Variants in DLGAP3 observed in about 807,000 individuals in gnomAD.
DLGAP3 encodes disks large-associated protein 3.
DLGAP3 carries 17 observed loss-of-function variants against 81.2 expected under a neutral mutation model. That is an observed-to-expected ratio of 0.21 (90% CI 0.14 to 0.31). DLGAP3 has a LOEUF of 0.31. DLGAP3 is among the 10% of genes least tolerant of loss of function. The pLI, the probability that DLGAP3 is intolerant of heterozygous loss-of-function variation, is 1.00. For missense variants in DLGAP3, 1,124 were observed against 1,388.0 expected (o/e 0.81, Z 3.02); for synonymous variants, 577 against 587.4 (o/e 0.98, Z 0.26).
intron 8 of DLGAP3, among the ~76,000 whole-genome samples, chr1:34,881,669 A>G (rs1468536748): frequency 3.9e-5 from 6 of 151,908 alleles, no homozygotes; most frequent in Admixed American, 6.5e-5. Flanking sequence ...ACTCACAGCC[A>G]AATTTAATCC....
chr1:34,913,312 C>T (rs533794299), intron 1 of DLGAP3, among the ~76,000 whole-genome samples: 1 of 152,318 alleles, frequency 6.6e-6, no homozygotes, highest in East Asian at 1.9e-4. Context: ...CATCTCCTGA[C>T]CCACTGGACG....
intron 8 of DLGAP3, among the ~76,000 whole-genome samples, chr1:34,883,586 A>G (rs1381267329): frequency 6.6e-6 from 1 of 152,196 alleles, no homozygotes; most frequent in Non-Finnish European, 1.5e-5. Flanking sequence ...AGATTTGCAA[A>G]TTGGGTTTGC....
At chr1:34,888,910 C>T (rs189940788) in intron 5 of DLGAP3, among the ~76,000 whole-genome samples, 1 of 152,298 alleles carries the variant, frequency 6.6e-6, no homozygotes, top group Admixed American at 6.5e-5. Flanking sequence ...CAAATGCAGC[C>T]CAGAGTGTCC....
At chr1:34,875,601 C>T (rs1639039508) in intron 8 of DLGAP3, among the ~76,000 whole-genome samples, 1 of 152,090 alleles carries the variant, frequency 6.6e-6, no homozygotes, top group Non-Finnish European at 1.5e-5. Context: ...CAGGCAGATC[C>T]CTATGGTTAG....
chr1:34,881,108 AG>A (rs1639137564), intron 8 of DLGAP3, among the ~76,000 whole-genome samples: 1 of 152,234 alleles, frequency 6.6e-6, no homozygotes, highest in African/African-American at 2.4e-5. Context: ...AAAAAATTGT[AG>A]GCTTACAATT....
chr1:34,909,811 C>G (rs768140335), intron 1 of DLGAP3, among the ~76,000 whole-genome samples: 3 of 152,118 alleles, frequency 2.0e-5, no homozygotes, highest in Non-Finnish European at 4.4e-5. Context: ...CCACCATGCT[C>G]TATGGATTTT....
intron 8 of DLGAP3, among the ~76,000 whole-genome samples, chr1:34,870,615 C>T (rs1167706206): frequency 6.6e-6 from 1 of 152,210 alleles, no homozygotes; most frequent in Non-Finnish European, 1.5e-5. Context: ...GAGAGATGCA[C>T]TCATGTGCAG....
intron 1 of DLGAP3, among the ~76,000 whole-genome samples, chr1:34,915,433 C>T (rs748701066): frequency 3.3e-5 from 5 of 152,174 alleles, no homozygotes; most frequent in Non-Finnish European, 4.4e-5. Context: ...GGCAGGGGTC[C>T]ACTGGGCAGG....
chr1:34,888,655 A>G (rs1639270072), intron 5 of DLGAP3, among the ~76,000 whole-genome samples: 1 of 152,240 alleles, frequency 6.6e-6, no homozygotes, highest in Admixed American at 6.5e-5. Context: ...TGGAAATCCC[A>G]GGCCATGGAA....
intron 1 of DLGAP3, among the ~76,000 whole-genome samples, chr1:34,927,699 C>G (rs1304527201): frequency 6.6e-6 from 1 of 151,914 alleles, no homozygotes; most frequent in African/African-American, 2.4e-5. Context: ...CTCTTCTCCC[C>G]CCACCCCCCA....
intron 5 of DLGAP3, 78 bp downstream of exon 5, chr1:34,899,591 G>A: frequency 7.7e-7 from 1 of 1,305,476 alleles, no homozygotes; most frequent in Non-Finnish European, 1.1e-6. Context: ...CAGACCCTCT[G>A]ATTTTAAGTC....
At chr1:34,920,646 G>T (rs756498492) in intron 1 of DLGAP3, among the ~76,000 whole-genome samples, 4 of 152,110 alleles carry the variant, frequency 2.6e-5, no homozygotes, top group Non-Finnish European at 4.4e-5. Flanking sequence ...ATGACAACAG[G>T]TTCCTAACTG....
At position 34,895,959 on chromosome 1, in the gene DLGAP3, TCA is replaced by T. The variant is rs1273093781; in HGVS notation, c.1386+3708_1386+3709del. 1.4e-5 allele frequency among the ~76,000 whole-genome samples: 2 copies of T among 139,900 alleles called. No individual in the cohort carries two copies. Among genetic ancestry groups the T allele is most frequent in the Admixed American group, 1.4e-4 (2 of 14,248 alleles). 91.8% of individuals were successfully genotyped at this position (139,900 alleles called of 152,430 possible). A position where few individuals can be genotyped will look rare whatever the true frequency, so the allele number is the denominator to read the frequency against. On this transcript the variant is annotated intron_variant, in intron 5 of 11. Coordinates refer to ENST00000373347, the MANE Select transcript of DLGAP3 (RefSeq NM_001080418.3). The surrounding 1 kb of genome is among the most constrained non-coding windows in gnomAD (Gnocchi z 4.5). The stretch of plus-strand genomic sequence containing the variant: ...ACACACACACACACACACACACTAC[TCA>T]AAGTGGGTCATACATCTAAATATAA...
chr1:34,905,145 G>T lies in DLGAP3; in HGVS notation c.239C>A (p.Ala80Asp). ...SVGPEGGPAG[A>D]GVGGGSSTFP... ...GGTGCTGCTACCCCCCCCAACCCCG[G>T]CCCCCGCTGGCCCTCCCTCAGGGCC... is the stretch of plus-strand genomic sequence containing the variant. The change falls in exon 3 of 12, where the codon GCC becomes GAC. Residue 80 changes from alanine (A) to aspartate (D), a missense_variant. By Grantham distance (126) the Ala-to-Asp change is moderately radical. This residue lies in a region of DLGAP3 where 167 missense variants were observed against 172.1 expected (regional missense o/e 0.97). Coordinates refer to ENST00000373347, the MANE Select transcript of DLGAP3 (RefSeq NM_001080418.3). 1 of 1,567,722 alleles carries T rather than the reference G, an allele frequency of 6.4e-7. No individual in the cohort carries two copies. The highest frequency in any genetic ancestry group is 8.7e-7 in the Non-Finnish European group (1 of 1,155,964).
chr1:34,909,907 C>G (rs1353375874), intron 1 of DLGAP3, among the ~76,000 whole-genome samples: 1 of 152,212 alleles, frequency 6.6e-6, no homozygotes, highest in Non-Finnish European at 1.5e-5. Flanking sequence ...TCATTCCCAG[C>G]CTCCTTGTCC....
Position 34,904,444 on chromosome 1 carries a change from C to G in DLGAP3, c.940G>C (p.Ala314Pro). The G allele has an allele frequency of 6.2e-7, 1 of 1,614,140 alleles. No homozygotes were observed. Among genetic ancestry groups the G allele is most frequent in the East Asian group, 2.2e-5 (1 of 44,880 alleles). The change falls in exon 3 of 12, where the codon GCC becomes CCC. Residue 314 changes from alanine to proline, a missense_variant. By Grantham distance (27) the Ala-to-Pro change is conservative (BLOSUM62 -1). Transcript: ENST00000373347. The surrounding 1 kb of genome is among the most constrained non-coding windows in gnomAD (Gnocchi z 8.1). ...AGTGACATGGACATGCCAGTGCAGG[C>G]AAGGCAGCGGCCTTCCGACCCGCCC... is the stretch of plus-strand genomic sequence containing the variant. ...RSGGSEGRCL[A>P]CTGMSMSLDG... is the part of the protein sequence containing the mutation.
Position 34,870,450 on chromosome 1 carries a change from A to C in DLGAP3, c.2001-1361T>G, listed in dbSNP as rs577138025. ...TCTAGGGTCCCTCCACCTCCCCAAGAGACTCTCCCAACCCCCGCAACTTCA... is the reference window on the plus strand; with the variant it reads ...TCTAGGGTCCCTCCACCTCCCCAAGCGACTCTCCCAACCCCCGCAACTTCA... On this transcript the variant is annotated intron_variant, in intron 8 of 11. Transcript: ENST00000373347. Among the ~76,000 whole-genome samples the C allele has an allele frequency of 3.9e-5, 6 of 152,210 alleles. No homozygotes were observed. The South Asian group carries it at 1.2e-3, about 32-fold the overall frequency.
chr1:34,876,893 G>C (rs1269950547), intron 8 of DLGAP3, among the ~76,000 whole-genome samples: 1 of 152,136 alleles, frequency 6.6e-6, no homozygotes, highest in Admixed American at 6.5e-5. Flanking sequence ...ACTTCTCTCT[G>C]TATCCACTGC....
chr1:34,923,991 G>T (rs1319550816), intron 1 of DLGAP3, among the ~76,000 whole-genome samples: 2 of 152,032 alleles, frequency 1.3e-5, no homozygotes, highest in African/African-American at 4.8e-5. Context: ...TGTGCTCTTG[G>T]GGATGGGAAG....
Sources: gnomAD v4.1 joint callset for allele counts (sites outside exome capture counted in the v4.1 genomes callset) on GRCh38, gnomAD v4.1.1 for gene constraint, gnomAD v4.1.1 regional missense constraint, Gnocchi (gnomAD v3.1) non-coding constraint, MANE v1.5 for transcripts, NCBI Gene and HGNC (gene_info 2026-07-23, HGNC 2026-07-21) for gene names.